Variants in SYCE1 observed in about 807,000 individuals in gnomAD.
SYCE1 encodes the protein synaptonemal complex central element protein 1, also known as cancer/testis antigen 76.
In SYCE1, 37 loss-of-function variants were observed where a neutral mutation model predicts 55.1. The ratio of observed to expected loss-of-function variants is 0.67; its 90% CI spans 0.52 to 0.88. The LOEUF is 0.88. Ranked by LOEUF, SYCE1 falls within the 40% of genes least tolerant of loss-of-function variation. The probability of loss-of-function intolerance (pLI) is 0.00; values close to 1 mark genes in which losing one functional copy is unlikely to be tolerated. For synonymous variants in SYCE1, 163 were observed against 159.4 expected (o/e 1.02, Z -0.17); for missense variants, 399 against 416.4 (o/e 0.96, Z 0.36).
upstream of SYCE1, chr10:133,565,699 T>G: frequency 1.6e-6 from 1 of 624,020 alleles, no homozygotes; most frequent in South Asian, 2.3e-5. Context: ...CTAGTGCGCA[T>G]GCGTAAAGGC....
At chr10:133,554,670 G>C, downstream of SYCE1, 1 of 740,146 alleles carries the variant, frequency 1.4e-6, no homozygotes, top group South Asian at 1.4e-5. Flanking sequence ...GGGAGTCTGT[G>C]TAGTCCAGAC....
rs114009759 is a variant in SYCE1 at position 133,565,573 on chromosome 10, C to T, written c.-44G>A. The T allele has an allele frequency of 2.5e-3, 3,831 of 1,538,384 alleles. No individual in the cohort carries two copies. In the African/African-American group the frequency reaches 0.046, roughly 18 times the overall value. ...CGAGGGTGCCTCGGGAGGGAGCCTC[C>T]AGTGGTGATTGGAGCAACCGCCGCT... On this transcript the variant is annotated 5_prime_UTR_variant, in exon 1 of 13. Transcript: ENST00000343131.
At chr10:133,559,478 T>A in intron 2 of SYCE1, 118 bp from the exon 3 acceptor site, 1 of 1,023,874 alleles carries the variant, frequency 9.8e-7, no homozygotes, top group South Asian at 1.4e-5. Context: ...TGCAAGCAGG[T>A]GCTCTGTGGG....
At chr10:133,567,584 A>C (rs1441461994), upstream of SYCE1, among the ~76,000 whole-genome samples, 1 of 152,084 alleles carries the variant, frequency 6.6e-6, no homozygotes, top group African/African-American at 2.4e-5. Context: ...CTTCCCCCCA[A>C]ATTCTTAAGT....
chr10:133,555,081 C>T lies in SYCE1; in HGVS notation c.967G>A (p.Ala323Thr). ...TGGCCTATGAGGACATCAGGCCCTGCTTGGTGTGCAGCTCCAGGTCTTTCT... is the reference window on the plus strand; with the variant it reads ...TGGCCTATGAGGACATCAGGCCCTGTTTGGTGTGCAGCTCCAGGTCTTTCT... Reference protein sequence around the residue: ...KGERPGAAHQAGPDVLIGQED... With the variant: ...KGERPGAAHQTGPDVLIGQED... The change falls in exon 13 of 13, where the codon GCA (alanine) becomes ACA (threonine). Residue 323 changes from alanine (A) to threonine (T), a missense_variant. Coordinates refer to ENST00000343131, the MANE Select transcript of SYCE1 (RefSeq NM_001143764.3). 1 of 1,551,394 alleles carries T rather than the reference C, an allele frequency of 6.4e-7. No individual in the cohort carries two copies.
chr10:133,567,472 G>A (rs1851974577), upstream of SYCE1, among the ~76,000 whole-genome samples: 1 of 151,990 alleles, frequency 6.6e-6, no homozygotes, highest in Admixed American at 6.5e-5. Context: ...TTAGTTTTAG[G>A]GTTAGGGTTC....
At chr10:133,567,102 T>C (rs1275894259), upstream of SYCE1, among the ~76,000 whole-genome samples, 1 of 150,144 alleles carries the variant, frequency 6.7e-6, no homozygotes, top group Non-Finnish European at 1.5e-5. Flanking sequence ...AGGGGTTAGG[T>C]GTAGGAGTAG....
chr10:133,559,861 C>T (rs1851781088), intron 2 of SYCE1: 1 of 532,030 alleles, frequency 1.9e-6, no homozygotes, highest in East Asian at 3.4e-5. Context: ...GGGTGACCAG[C>T]GAGAGGTTTG....
chr10:133,567,125 T>G (rs2133638872), upstream of SYCE1, among the ~76,000 whole-genome samples: 1 of 150,012 alleles, frequency 6.7e-6, no homozygotes, highest in African/African-American at 2.5e-5. Context: ...GTTGAGGTTA[T>G]GAGTTGAGGT....
chr10:133,554,194 A>T, downstream of SYCE1: 1 of 1,115,944 alleles, frequency 9.0e-7, no homozygotes, highest in Non-Finnish European at 1.4e-6. Flanking sequence ...ACTGCATCTT[A>T]GAGAACTCGT....
At position 133,559,314 on chromosome 10, in the gene SYCE1, A is replaced by T. The variant is rs1238357694; in HGVS notation, c.183T>A (p.Asn61Lys). The part of the protein sequence containing the change: ...PRVEVLINRI[N>K]EVQQAKKKAN... ...CCCTGAACTCACCTTGCTGGACCTC[A>T]TTAATCCGGTTAATCAGGACCTCAA... The change falls in exon 3 of 13, where the codon AAT (asparagine) becomes AAA (lysine). Residue 61 changes from asparagine (N) to lysine (K), a missense_variant. Transcript: ENST00000343131. 1 of 1,614,028 alleles carries T rather than the reference A, an allele frequency of 6.2e-7. No individual in the cohort carries two copies. Among genetic ancestry groups the T allele is most frequent in the Non-Finnish European group, 8.5e-7 (1 of 1,180,006 alleles).
intron 4 of SYCE1, 123 bp downstream of exon 4, chr10:133,558,754 G>A: frequency 1.1e-6 from 1 of 909,778 alleles, no homozygotes; most frequent in South Asian, 1.6e-5. Context: ...AGATTGGCAG[G>A]ACATGAGGCT....
upstream of SYCE1, among the ~76,000 whole-genome samples, chr10:133,565,777 C>T (rs1053572205): frequency 4.6e-5 from 7 of 152,388 alleles, no homozygotes; most frequent in African/African-American, 1.7e-4. Context: ...TGCGATTGGC[C>T]CGCTGCCGGG....
upstream of SYCE1, among the ~76,000 whole-genome samples, chr10:133,565,859 A>G (rs1260323904): frequency 6.6e-6 from 1 of 152,228 alleles, no homozygotes; most frequent in Non-Finnish European, 1.5e-5. Context: ...ACCAACGAGC[A>G]GTACGCATGT....
chr10:133,554,985 A>AGCTGAGATGG lies in SYCE1; in HGVS notation c.*6_*7insCCATCTCAGC, dbSNP rs3831169. On this transcript the variant is annotated 3_prime_UTR_variant, in exon 13 of 13. Transcript: ENST00000343131. ...ACCCCTACTCCTCACCAGTAGACTT[A>AGCTGAGATGG]GCTGTATCAAAATAGCTCCTTTATT... The AGCTGAGATGG allele has an allele frequency of 1.3e-6, 2 of 1,528,434 alleles. No homozygotes were observed. The highest frequency in any genetic ancestry group is 1.2e-5 in the South Asian group (1 of 80,310). The allele number at this position is 1,528,434 out of a possible 1,614,324, so 94.7% of individuals were successfully genotyped here.
At chr10:133,560,038 A>G (rs1851784601) in intron 2 of SYCE1, 53 bp downstream of exon 2, 1 of 1,520,036 alleles carries the variant, frequency 6.6e-7, no homozygotes, top group Non-Finnish European at 9.1e-7. Context: ...TTAAACCCAC[A>G]TCTGCCTGGC....
At chr10:133,558,757 A>G (rs921498384) in intron 4 of SYCE1, 120 bp downstream of exon 4, 20 of 935,894 alleles carry the variant, frequency 2.1e-5, no homozygotes, top group Non-Finnish European at 3.1e-5. Flanking sequence ...TTGGCAGGAC[A>G]TGAGGCTAGA....
downstream of SYCE1, chr10:133,554,264 C>T (rs754812004): frequency 3.1e-6 from 5 of 1,611,198 alleles, no homozygotes; most frequent in African/African-American, 2.7e-5. Flanking sequence ...TCCATGGAAA[C>T]AGTGCTCTGC....
chr10:133,564,743 G>A (rs1366393880), intron 1 of SYCE1, among the ~76,000 whole-genome samples: 2 of 152,350 alleles, frequency 1.3e-5, no homozygotes, highest in African/African-American at 2.4e-5. Flanking sequence ...CTGAGTGACA[G>A]CAGGAGGGAC....
Sources: gnomAD v4.1 joint callset for allele counts (sites outside exome capture counted in the v4.1 genomes callset) on GRCh38, gnomAD v4.1.1 for gene constraint, MANE v1.5 for transcripts, NCBI Gene and HGNC (gene_info 2026-07-23, HGNC 2026-07-21) for gene names.